The following ADCY9 variants were observed in gnomAD, a reference collection of about 807,000 sequenced individuals.
ADCY9 encodes the protein adenylate cyclase type 9.
ADCY9 carries 50 observed loss-of-function variants against 101.5 expected under a neutral mutation model. That is an observed-to-expected ratio of 0.49 (90% CI 0.39 to 0.62). The LOEUF is 0.62. Among genes scored for constraint, ADCY9 ranks in the 20% least tolerant of loss-of-function variants. The pLI, the probability that ADCY9 is intolerant of heterozygous loss-of-function variation, is 0.00. For missense variants in ADCY9, 1,662 were observed against 1,800.4 expected, an observed-to-expected ratio of 0.92 and a Z score of 1.39; for synonymous variants, 905 against 769.3, an observed-to-expected ratio of 1.18 and a Z score of -2.92.
chr16:4,100,619 T>C (rs1298959302), intron 2 of ADCY9, among the ~76,000 whole-genome samples: 9 of 151,818 alleles, frequency 5.9e-5, no homozygotes, highest in African/African-American at 2.4e-5. Flanking sequence ...GCGTGAGCCA[T>C]GCACCTGGCC....
chr16:4,027,729 T>C (rs2056526597), intron 2 of ADCY9, among the ~76,000 whole-genome samples: 1 of 151,952 alleles, frequency 6.6e-6, no homozygotes, highest in African/African-American at 2.4e-5. Flanking sequence ...AAACAAAAAT[T>C]AGCTGGGTGT....
chr16:4,006,258 AG>A (rs1273509685), intron 3 of ADCY9, among the ~76,000 whole-genome samples: 2 of 151,780 alleles, frequency 1.3e-5, no homozygotes, highest in African/African-American at 2.4e-5. Flanking sequence ...TGCACAGGAC[AG>A]CCCCACAACA....
intron 10 of ADCY9, among the ~76,000 whole-genome samples, chr16:3,970,742 C>T (rs1052709374): frequency 2.0e-5 from 3 of 152,214 alleles, no homozygotes; most frequent in African/African-American, 4.8e-5. Context: ...GAAGCACAAC[C>T]GCCAAAAGCC....
At chr16:3,988,050 G>A (rs1423127505) in intron 6 of ADCY9, among the ~76,000 whole-genome samples, 1 of 151,840 alleles carries the variant, frequency 6.6e-6, no homozygotes, top group Non-Finnish European at 1.5e-5. Flanking sequence ...AGGAGGGGCT[G>A]GAGGAGAGAG....
intron 2 of ADCY9, among the ~76,000 whole-genome samples, chr16:4,090,794 T>C (rs531325409): frequency 8.8e-4 from 134 of 151,930 alleles, no homozygotes; most frequent in African/African-American, 3.1e-3. Context: ...ACAATTCCAG[T>C]GTTGCCAAGC....
chr16:4,053,817 C>T (rs554315854), intron 2 of ADCY9, among the ~76,000 whole-genome samples: 4 of 152,186 alleles, frequency 2.6e-5, no homozygotes, highest in Admixed American at 1.3e-4. Flanking sequence ...AGCTCCCAGA[C>T]GACTCTTTCT....
chr16:4,043,303 T>G (rs902472113), intron 2 of ADCY9, among the ~76,000 whole-genome samples: 5 of 152,102 alleles, frequency 3.3e-5, no homozygotes, highest in African/African-American at 1.2e-4. Flanking sequence ...GTGTTATATG[T>G]AAACATAAAG....
rs1369709243 is a variant in ADCY9 at position 4,097,561 on chromosome 16, T to A, written c.1693+16189A>T. Among the ~76,000 whole-genome samples the A allele has an allele frequency of 2.6e-3, 257 of 100,300 alleles. 3 individuals are homozygous for A. The highest frequency in any genetic ancestry group is 0.01 in the Middle Eastern group (2 of 192). The allele number at this position is 100,300 out of a possible 152,430, so 65.8% of individuals were successfully genotyped here. On this transcript the variant is annotated intron_variant, in intron 2 of 10. Coordinates refer to ENST00000294016, the MANE Select transcript of ADCY9 (RefSeq NM_001116.4). Reference sequence around the variant, plus strand: ...TATATATATATATATATATTTTTTTTTTTTTTTTTTAAGACAGAGTCTTGC... The same window carrying A: ...TATATATATATATATATATTTTTTTATTTTTTTTTTAAGACAGAGTCTTGC...
At chr16:4,108,360 ATTTTTTTTTT>A (rs869169536) in intron 2 of ADCY9, among the ~76,000 whole-genome samples, 10 of 53,712 alleles carry the variant, frequency 1.9e-4, no homozygotes, top group African/African-American at 6.3e-4. Flanking sequence ...CCGTTTCTTC[ATTTTTTTTTT>A]TTTTTTTTTT....
chr16:4,010,332 G>A (rs2056395296), intron 2 of ADCY9, among the ~76,000 whole-genome samples: 1 of 152,198 alleles, frequency 6.6e-6, no homozygotes, highest in African/African-American at 2.4e-5. Flanking sequence ...GCTGAGCAGG[G>A]AGGCCTGAAG....
At position 3,993,553 on chromosome 16, in the gene ADCY9, C is replaced by T. The variant is rs760998754; in HGVS notation, c.1885-43G>A. The stretch of plus-strand genomic sequence containing the variant: ...ACTGTGGGGACACACCCAGAAACCG[C>T]GACTGCCACCCTGAATTCAGGCAGG... On this transcript the variant is annotated intron_variant, in intron 3 of 10. Transcript: ENST00000294016. The T allele has an allele frequency of 9.9e-5, 159 of 1,603,032 alleles. No homozygotes were observed. The East Asian group carries it at 3.5e-3, about 35-fold the overall frequency.
chr16:4,065,422 T>A (rs922608412), intron 2 of ADCY9, among the ~76,000 whole-genome samples: 1 of 152,214 alleles, frequency 6.6e-6, no homozygotes, highest in Non-Finnish European at 1.5e-5. Flanking sequence ...TAATACTTAC[T>A]ACTTGGAAAG....
chr16:3,992,078 A>C lies in ADCY9; in HGVS notation c.2207+68T>G. On this transcript the variant is annotated intron_variant, in intron 5 of 10. Coordinates refer to ENST00000294016, the MANE Select transcript of ADCY9 (RefSeq NM_001116.4). The surrounding 1 kb of genome is among the most constrained non-coding windows in gnomAD (Gnocchi z 4.2). ...AGAGCGAGACTCAGTCTTAAAGAAA[A>C]GAAAAGAAAAAGGCAGAGAGGCTTC... 1.3e-6 allele frequency: 2 copies of C among 1,511,952 alleles called. No individual in the cohort carries two copies. The highest frequency in any genetic ancestry group is 1.8e-6 in the Non-Finnish European group (2 of 1,100,370). The allele number at this position is 1,511,952 out of a possible 1,614,324, so 93.7% of individuals were successfully genotyped here. A position where few individuals can be genotyped will look rare whatever the true frequency, so the allele number is the denominator to read the frequency against.
At chr16:4,032,263 T>C (rs1197269375) in intron 2 of ADCY9, among the ~76,000 whole-genome samples, 1 of 150,620 alleles carries the variant, frequency 6.6e-6, no homozygotes, top group Non-Finnish European at 1.5e-5. Context: ...CACTCCAGCC[T>C]GGGCAACAGA....
chr16:4,008,218 AG>A (rs1467385204), intron 2 of ADCY9, among the ~76,000 whole-genome samples: 1 of 146,348 alleles, frequency 6.8e-6, no homozygotes, highest in Non-Finnish European at 1.5e-5. Flanking sequence ...AAAAAAAAAA[AG>A]GTGGTCAAAA....
At position 4,116,429 on chromosome 16, in the gene ADCY9, C is replaced by T. The variant is rs1332859089; in HGVS notation, c.-783G>A. Among the ~76,000 whole-genome samples, 2 of 145,976 alleles carry T rather than the reference C, an allele frequency of 1.4e-5. No individual in the cohort carries two copies. Among genetic ancestry groups the T allele is most frequent in the Non-Finnish European group, 3.0e-5 (2 of 65,698 alleles). On this transcript the variant is annotated 5_prime_UTR_variant, in exon 1 of 11. Coordinates refer to ENST00000294016, the MANE Select transcript of ADCY9 (RefSeq NM_001116.4). ...CCGCCACCATCTCCGGCCCCTGCCC[C>T]GCCCGCTGTCACTGACAGACGCGCG...
At chr16:4,076,953 T>C (rs912751247) in intron 2 of ADCY9, among the ~76,000 whole-genome samples, 60 of 152,078 alleles carry the variant, frequency 3.9e-4, no homozygotes, top group Non-Finnish European at 7.2e-4. Context: ...GGCAGGCACC[T>C]GTAATCCCAG....
chr16:3,959,362 C>CAAAA (rs71133675), downstream of ADCY9, among the ~76,000 whole-genome samples: 12 of 133,564 alleles, frequency 9.0e-5, no homozygotes, highest in African/African-American at 3.3e-4. Flanking sequence ...ACTCTTATCT[C>CAAAA]AAAAAAAAAA....
At chr16:4,046,789 C>G (rs1018730709) in intron 2 of ADCY9, among the ~76,000 whole-genome samples, 1 of 151,972 alleles carries the variant, frequency 6.6e-6, no homozygotes, top group African/African-American at 2.4e-5. Flanking sequence ...CCCAGAAGTT[C>G]GAGACCAGCC....
Sources: allele counts gnomAD v4.1 joint callset (sites outside exome capture counted in the v4.1 genomes callset), GRCh38; gene constraint gnomAD v4.1.1; non-coding constraint Gnocchi (gnomAD v3.1); transcripts MANE v1.5; gene names NCBI Gene and HGNC (gene_info 2026-07-23, HGNC 2026-07-21).